Variants in CTTNBP2NL observed in about 807,000 individuals in gnomAD.
CTTNBP2NL encodes the protein CTTNBP2 N-terminal-like protein.
Under a neutral mutation model 32.5 loss-of-function variants are expected in CTTNBP2NL, and 16 were observed. The ratio of observed to expected loss-of-function variants is 0.49; its 90% CI spans 0.33 to 0.75. CTTNBP2NL has a LOEUF of 0.75. Among genes scored for constraint, CTTNBP2NL ranks in the 30% least tolerant of loss-of-function variants. The pLI, the probability that CTTNBP2NL is intolerant of heterozygous loss-of-function variation, is 0.02. For synonymous variants in CTTNBP2NL, 298 were observed against 289.4 expected (o/e 1.03, Z -0.30); for missense variants, 645 against 756.0 (o/e 0.85, Z 1.72).
At chr1:112,447,573 G>C (rs1650087667) in intron 3 of CTTNBP2NL, among the ~76,000 whole-genome samples, 1 of 152,048 alleles carries the variant, frequency 6.6e-6, no homozygotes, top group African/African-American at 2.4e-5. Flanking sequence ...ATAAGGCTAA[G>C]TGATTCCTGG....
Position 112,444,570 on chromosome 1 carries a change from GAAATT to G in CTTNBP2NL, c.100-4368_100-4364del, listed in dbSNP as rs1649982332. Among the ~76,000 whole-genome samples, 3 of 152,194 alleles carry G rather than the reference GAAATT, an allele frequency of 2.0e-5. No homozygotes were observed. The South Asian group carries it at 6.2e-4, about 32-fold the overall frequency. ...CCAGCCAGTTATTTTTCTGCTGTCT[GAAATT>G]AAAGACCATCATGTTTTCTGACAAT... On this transcript the variant is annotated intron_variant, in intron 3 of 5. Coordinates refer to ENST00000271277, the MANE Select transcript of CTTNBP2NL (RefSeq NM_018704.3).
At chr1:112,408,944 T>C (rs997608191) in intron 1 of CTTNBP2NL, among the ~76,000 whole-genome samples, 15 of 152,014 alleles carry the variant, frequency 9.9e-5, no homozygotes, top group Non-Finnish European at 2.2e-4. Context: ...CTGGCCAACA[T>C]GGTGAGACCC....
intron 1 of CTTNBP2NL, among the ~76,000 whole-genome samples, chr1:112,399,521 A>C (rs886770710): frequency 6.6e-6 from 1 of 152,138 alleles, no homozygotes; most frequent in African/African-American, 2.4e-5. Context: ...GGCATAATAC[A>C]ATCAGTCTTC....
chr1:112,424,840 C>CA (rs1649344091), intron 3 of CTTNBP2NL, among the ~76,000 whole-genome samples: 2 of 151,920 alleles, frequency 1.3e-5, no homozygotes, highest in Non-Finnish European at 2.9e-5. Context: ...TTTTTTGAGA[C>CA]AGGGTCTGAC....
At chr1:112,450,857 C>T (rs1185199633) in intron 4 of CTTNBP2NL, among the ~76,000 whole-genome samples, 1 of 150,264 alleles carries the variant, frequency 6.7e-6, no homozygotes, top group Non-Finnish European at 1.5e-5. Flanking sequence ...ACCACCACCT[C>T]CCAGGTTCAA....
rs746411927 is a variant in CTTNBP2NL, at chr1:112,456,313, T to C, written c.821T>C (p.Val274Ala). Residue 274 changes from valine (V) to alanine (A), a missense_variant, in exon 6 of 6, where the codon GTG (valine) becomes GCG (alanine). Val to Ala is a moderately conservative substitution (Grantham distance 64). Coordinates refer to ENST00000271277, the MANE Select transcript of CTTNBP2NL (RefSeq NM_018704.3). Reference protein sequence around the residue: ...KEEMESLKKIVKDLEASHQHS... With the variant: ...KEEMESLKKIAKDLEASHQHS... ...GAAATGGAAAGTTTAAAGAAGATAGTGAAGGACCTAGAGGCTTCCCACCAG... is the reference window on the plus strand; with the variant it reads ...GAAATGGAAAGTTTAAAGAAGATAGCGAAGGACCTAGAGGCTTCCCACCAG... 8 of 1,613,674 alleles carry C rather than the reference T, an allele frequency of 5.0e-6. No homozygotes were observed. The highest frequency in any genetic ancestry group is 6.8e-6 in the Non-Finnish European group (8 of 1,179,930).
intron 2 of CTTNBP2NL, among the ~76,000 whole-genome samples, chr1:112,414,332 C>G (rs1648992975): frequency 6.6e-6 from 1 of 152,170 alleles, no homozygotes; most frequent in African/African-American, 2.4e-5. Context: ...CCACTGCATT[C>G]CAGCCTGGGC....
intron 1 of CTTNBP2NL, among the ~76,000 whole-genome samples, chr1:112,408,029 T>C (rs1254907225): frequency 1.3e-5 from 2 of 151,546 alleles, no homozygotes; most frequent in Admixed American, 6.6e-5. Flanking sequence ...GCATTTTTTG[T>C]AGGGACAGGA....
At chr1:112,435,724 T>C (rs1308054130) in intron 3 of CTTNBP2NL, among the ~76,000 whole-genome samples, 1 of 152,206 alleles carries the variant, frequency 6.6e-6, no homozygotes, top group Non-Finnish European at 1.5e-5. Context: ...TGCTCACTAT[T>C]TTGTATTCAT....
intron 2 of CTTNBP2NL, 182 bp from the exon 3 acceptor site, chr1:112,415,975 A>C (rs1314410770): frequency 1.9e-6 from 1 of 520,074 alleles, no homozygotes; most frequent in Non-Finnish European, 3.3e-6. Flanking sequence ...AGTGAATTTT[A>C]CTTTCTGTTG....
intron 3 of CTTNBP2NL, 107 bp downstream of exon 3, chr1:112,416,371 TGGAGGACA>T: frequency 4.6e-6 from 3 of 645,382 alleles, no homozygotes; most frequent in South Asian, 3.9e-5. Context: ...TGAAATTAAA[TGGAGGACA>T]TACTGATACT....
At chr1:112,452,982 G>A (rs1341687469) in intron 4 of CTTNBP2NL, among the ~76,000 whole-genome samples, 1 of 146,440 alleles carries the variant, frequency 6.8e-6, no homozygotes, top group Admixed American at 7.3e-5. Context: ...GGCCATAGTG[G>A]TGTATGCCTG....
chr1:112,448,509 A>G (rs1650120673), intron 3 of CTTNBP2NL, among the ~76,000 whole-genome samples: 1 of 152,228 alleles, frequency 6.6e-6, no homozygotes, highest in Admixed American at 6.5e-5. Flanking sequence ...TGCTGGTAAT[A>G]TAAGCATTCA....
At chr1:112,423,391 G>A (rs1400408931) in intron 3 of CTTNBP2NL, among the ~76,000 whole-genome samples, 11 of 152,082 alleles carry the variant, frequency 7.2e-5, no homozygotes, top group Admixed American at 6.5e-4. Context: ...TGATAAGTAT[G>A]TAAGATCATA....
At chr1:112,428,982 A>G (rs1187586687) in intron 3 of CTTNBP2NL, among the ~76,000 whole-genome samples, 2 of 152,228 alleles carry the variant, frequency 1.3e-5, no homozygotes, top group African/African-American at 4.8e-5. Context: ...TATGTTTCTT[A>G]TAAAATTCTA....
chr1:112,431,577 G>C (rs1190225339), intron 3 of CTTNBP2NL, among the ~76,000 whole-genome samples: 1 of 152,172 alleles, frequency 6.6e-6, no homozygotes, highest in East Asian at 1.9e-4. Context: ...TCTCACATAT[G>C]CACAAGTTAG....
chr1:112,423,777 G>T (rs557776737), intron 3 of CTTNBP2NL, among the ~76,000 whole-genome samples: 1 of 152,308 alleles, frequency 6.6e-6, no homozygotes, highest in South Asian at 2.1e-4. Context: ...AGGCTGGAGT[G>T]CAGTGATGCG....
At chr1:112,426,486 G>A (rs1164482626) in intron 3 of CTTNBP2NL, among the ~76,000 whole-genome samples, 1 of 151,600 alleles carries the variant, frequency 6.6e-6, no homozygotes, top group Non-Finnish European at 1.5e-5. Context: ...GAAGCCAGGA[G>A]TTGAAGACCA....
chr1:112,457,681 G>A lies in CTTNBP2NL; in HGVS notation c.*269G>A, dbSNP rs1397946908. The A allele has an allele frequency of 1.2e-5, 4 of 337,470 alleles. No individual in the cohort carries two copies. The highest frequency in any genetic ancestry group is 8.4e-5 in the South Asian group (1 of 11,928). The allele number at this position is 337,470 out of a possible 1,614,324, so 20.9% of individuals were successfully genotyped here. A position where few individuals can be genotyped will look rare whatever the true frequency, so the allele number is the denominator to read the frequency against. ...ACCGTCATGTTGTGATGAAGAAAGC[G>A]AATCACCAGGTGGTGATTTGCTATC... On this transcript the variant is annotated 3_prime_UTR_variant, in exon 6 of 6. Transcript: ENST00000271277.
Sources: allele counts gnomAD v4.1 joint callset (sites outside exome capture counted in the v4.1 genomes callset), GRCh38; gene constraint gnomAD v4.1.1; transcripts MANE v1.5; gene names NCBI Gene and HGNC (gene_info 2026-07-23, HGNC 2026-07-21).